The following RBFOX1 variants were observed in gnomAD, a reference collection of about 807,000 sequenced individuals.
The protein encoded by RBFOX1 is RNA binding protein fox-1 homolog 1.
A neutral mutation model predicts 57.7 loss-of-function variants in RBFOX1; 8 were observed. The ratio of observed to expected loss-of-function variants is 0.14; its 90% confidence interval spans 0.08 to 0.25. RBFOX1 has a LOEUF of 0.25. RBFOX1 is among the 10% of genes least tolerant of loss of function. RBFOX1 has a pLI of 1.00. For synonymous variants in RBFOX1, 326 were observed against 222.4 expected (o/e 1.47, Z -4.15); for missense variants, 611 against 548.5 (o/e 1.11, Z -1.14).
chr16:5,790,070 A>T (rs578124353), intron 3 of RBFOX1, among the ~76,000 whole-genome samples: 1 of 152,166 alleles, frequency 6.6e-6, no homozygotes, highest in South Asian at 2.1e-4. Context: ...GTTATTCGGG[A>T]CTCCAGGCTG....
At chr16:7,309,505 C>T (rs903875401) in intron 4 of RBFOX1, among the ~76,000 whole-genome samples, 3 of 152,366 alleles carry the variant, frequency 2.0e-5, no homozygotes, top group Non-Finnish European at 4.4e-5. Context: ...CAACTGGCCG[C>T]TCCTGCCTTT....
At chr16:6,965,318 TGTGTGTGTGTGTGTGTG>T (rs2083893840) in intron 3 of RBFOX1, among the ~76,000 whole-genome samples, 1 of 926 alleles carries the variant, frequency 1.1e-3, no homozygotes, top group Non-Finnish European at 2.1e-3. Flanking sequence ...TCTTTTGTTG[TGTGTGTGTGTGTGTGTG>T]TGTGTGTGTG....
intron 3 of RBFOX1, among the ~76,000 whole-genome samples, chr16:6,706,137 C>G (rs1051055508): frequency 6.6e-6 from 1 of 152,138 alleles, no homozygotes; most frequent in Non-Finnish European, 1.5e-5. Flanking sequence ...GCATTGTAAT[C>G]TTTGTTGTGT....
chr16:5,881,063 A>T (rs373010072), intron 4 of RBFOX1, among the ~76,000 whole-genome samples: 15 of 152,312 alleles, frequency 9.8e-5, no homozygotes, highest in African/African-American at 3.6e-4. Flanking sequence ...ATTTAAAGGG[A>T]GTGCTAGATT....
At chr16:7,518,504 C>T in intron 5 of RBFOX1, 115 bp downstream of exon 5, 3 of 1,369,650 alleles carry the variant, frequency 2.2e-6, no homozygotes, top group East Asian at 4.8e-5. Context: ...CAGATCAGTC[C>T]CTAAGCCCAC....
At chr16:7,497,679 C>G (rs770254704) in intron 4 of RBFOX1, among the ~76,000 whole-genome samples, 3 of 152,194 alleles carry the variant, frequency 2.0e-5, no homozygotes, top group East Asian at 3.9e-4. Context: ...AACTACATTT[C>G]GAATGAATTA....
intron 2 of RBFOX1, among the ~76,000 whole-genome samples, chr16:6,357,719 C>T (rs1026692700): frequency 2.6e-5 from 4 of 151,978 alleles, no homozygotes; most frequent in South Asian, 2.1e-4. Flanking sequence ...GAGTCCTAGG[C>T]GGGTGGATCA....
chr16:7,026,618 G>GGA (rs1193392710), intron 3 of RBFOX1, among the ~76,000 whole-genome samples: 1 of 152,088 alleles, frequency 6.6e-6, no homozygotes, highest in African/African-American at 2.4e-5. Context: ...CAGGGAAGGA[G>GGA]GAAAGGCCTT....
chr16:6,929,524 G>A (rs1303015586), intron 3 of RBFOX1, among the ~76,000 whole-genome samples: 2 of 152,014 alleles, frequency 1.3e-5, no homozygotes, highest in African/African-American at 2.4e-5. Context: ...AATATTTTCA[G>A]AAGGCTTAAA....
intron 2 of RBFOX1, among the ~76,000 whole-genome samples, chr16:6,519,517 A>G (rs11644444): frequency 0.52 from 79,506 of 151,828 alleles, 24,597 homozygotes; most frequent in East Asian, 0.76. Context: ...CCTGGCCAAC[A>G]TGACAAAACC....
chr16:6,304,778 A>C (rs190369092), intron 1 of RBFOX1, among the ~76,000 whole-genome samples: 1 of 149,140 alleles, frequency 6.7e-6, no homozygotes, highest in South Asian at 2.2e-4. Flanking sequence ...CCAGCTACTC[A>C]GGAGGCTGAG....
intron 1 of RBFOX1, among the ~76,000 whole-genome samples, chr16:6,168,190 T>G (rs2096931730): frequency 6.6e-6 from 1 of 152,210 alleles, no homozygotes; most frequent in Admixed American, 6.5e-5. Flanking sequence ...AACCCTGATA[T>G]ACGTTGCTTA....
intron 4 of RBFOX1, among the ~76,000 whole-genome samples, chr16:7,419,822 G>C (rs955402778): frequency 6.6e-6 from 1 of 151,890 alleles, no homozygotes; most frequent in Non-Finnish European, 1.5e-5. Flanking sequence ...TTTTCCAGAT[G>C]CCTAATGGAG....
intron 2 of RBFOX1, among the ~76,000 whole-genome samples, chr16:6,568,566 G>A (rs534656960): frequency 6.6e-6 from 1 of 152,094 alleles, no homozygotes; most frequent in Non-Finnish European, 1.5e-5. Flanking sequence ...GGGAGGAGAT[G>A]GCACAAAGGC....
At chr16:7,060,422 C>T (rs768049516) in intron 4 of RBFOX1, among the ~76,000 whole-genome samples, 75 of 152,142 alleles carry the variant, frequency 4.9e-4, no homozygotes, top group Non-Finnish European at 9.6e-4. Flanking sequence ...TAAATGCATG[C>T]ACGTTCATAT....
intron 2 of RBFOX1, among the ~76,000 whole-genome samples, chr16:5,586,192 A>G (rs757426800): frequency 6.6e-6 from 1 of 152,110 alleles, no homozygotes; most frequent in East Asian, 1.9e-4. Flanking sequence ...ATCCCACAGA[A>G]CTTCTAGAAG....
At chr16:6,920,897 C>G (rs1036312816) in intron 3 of RBFOX1, among the ~76,000 whole-genome samples, 4 of 152,208 alleles carry the variant, frequency 2.6e-5, no homozygotes, top group African/African-American at 9.7e-5. Context: ...TCACTGATAT[C>G]AGGGATTAGG....
intron 1 of RBFOX1, among the ~76,000 whole-genome samples, chr16:5,389,339 C>G (rs1182986936): frequency 1.3e-5 from 2 of 152,162 alleles, no homozygotes; most frequent in East Asian, 1.9e-4. Flanking sequence ...GACCTTGGCT[C>G]TATGGACGTT....
intron 4 of RBFOX1, among the ~76,000 whole-genome samples, chr16:7,112,970 C>T (rs547656062): frequency 2.6e-4 from 39 of 152,252 alleles, no homozygotes; most frequent in South Asian, 1.4e-3. Context: ...CTCTGTAAGG[C>T]GCTGCCGAAT....
Sources: allele counts gnomAD v4.1 joint callset (sites outside exome capture counted in the v4.1 genomes callset), GRCh38; gene constraint gnomAD v4.1.1; transcripts MANE v1.5; gene names NCBI Gene and HGNC (gene_info 2026-07-23, HGNC 2026-07-21).